Variants in CCDC50 observed in about 807,000 individuals in gnomAD.
The protein encoded by CCDC50 is coiled-coil domain-containing protein 50.
In CCDC50, 54 loss-of-function variants were observed where a neutral mutation model predicts 70.2. The observed-to-expected ratio is 0.77, with a 90% CI of 0.62 to 0.96. The LOEUF is 0.96. Among genes scored for constraint, CCDC50 ranks in the 50% least tolerant of loss-of-function variants. The pLI is 0.00. For missense variants in CCDC50, 558 were observed against 578.7 expected, an observed-to-expected ratio of 0.96 and a Z score of 0.37; for synonymous variants, 216 against 198.8, an observed-to-expected ratio of 1.09 and a Z score of -0.73.
rs117123422 is a variant in CCDC50 at position 191,383,343 on chromosome 3, G to A, written c.1322+518G>A. ...ACTTTCTGATTTATCTCAAACAGTC[G>A]TGCATAATAGTTATGGAGCAGCTGC... On this transcript the variant is annotated intron_variant, in intron 10 of 11. Transcript: ENST00000392455. 1.5e-3 allele frequency among the ~76,000 whole-genome samples: 225 copies of A among 152,006 alleles called. 3 individuals are homozygous for A. The East Asian group carries it at 0.038, about 26-fold the overall frequency.
chr3:191,371,321 A>T (rs1712907011), intron 5 of CCDC50, among the ~76,000 whole-genome samples: 1 of 152,026 alleles, frequency 6.6e-6, no homozygotes, highest in African/African-American at 2.4e-5. Context: ...GTGTTGGGAA[A>T]TGAGTATTTG....
chr3:191,389,875 T>A lies in CCDC50; in HGVS notation c.1429+273T>A, dbSNP rs868701416. Among the ~76,000 whole-genome samples the A allele has an allele frequency of 0.015, 1,565 of 106,082 alleles. 34 individuals are homozygous for A. The highest frequency in any genetic ancestry group is 0.044 in the African/African-American group (1,498 of 34,310). 69.6% of individuals were successfully genotyped at this position (106,082 alleles called of 152,430 possible). On this transcript the variant is annotated intron_variant, in intron 11 of 11. Coordinates refer to ENST00000392455, the MANE Select transcript of CCDC50 (RefSeq NM_178335.3). ...TCACTTTTTTTTTTTTTTTTTTTTTTTTTGAGTCGGAGTCTCACTGTGTTG... is the reference window on the plus strand; with the variant it reads ...TCACTTTTTTTTTTTTTTTTTTTTTATTTGAGTCGGAGTCTCACTGTGTTG...
At chr3:191,336,737 T>C (rs377129007) in intron 1 of CCDC50, among the ~76,000 whole-genome samples, 20 of 152,330 alleles carry the variant, frequency 1.3e-4, no homozygotes, top group African/African-American at 2.4e-4. Flanking sequence ...CTCAGACTTA[T>C]GCAATTACAT....
chr3:191,376,087 T>G (rs529944041), intron 6 of CCDC50, among the ~76,000 whole-genome samples: 1 of 152,202 alleles, frequency 6.6e-6, no homozygotes, highest in Non-Finnish European at 1.5e-5. Flanking sequence ...TTTAAGAAAG[T>G]ATTTTTCAAA....
At chr3:191,374,121 TA>T in intron 5 of CCDC50, among the ~76,000 whole-genome samples, 1 of 152,292 alleles carries the variant, frequency 6.6e-6, no homozygotes, top group African/African-American at 2.4e-5. Flanking sequence ...TAGAAAATGT[TA>T]AAATCAGTAT....
intron 4 of CCDC50, among the ~76,000 whole-genome samples, chr3:191,368,632 G>A (rs1258594668): frequency 2.0e-5 from 3 of 151,662 alleles, no homozygotes; most frequent in African/African-American, 7.3e-5. Flanking sequence ...TTCTTCATTC[G>A]CACCTATTCA....
At position 191,351,860 on chromosome 3, in the gene CCDC50, GAC is replaced by G. The variant is rs1712117403; in HGVS notation, c.50-5220_50-5219del. ...TTCTCTTTGGGGCTTCTGTGCTCCG[GAC>G]ACACACAACTCCAGGATGGCCTGTG... On this transcript the variant is annotated intron_variant, in intron 1 of 11. Coordinates refer to ENST00000392455, the MANE Select transcript of CCDC50 (RefSeq NM_178335.3). 5.7e-5 allele frequency among the ~76,000 whole-genome samples: 8 copies of G among 141,020 alleles called. 1 individual carries two copies. In the South Asian group the frequency reaches 1.8e-3, roughly 32 times the overall value. The allele number at this position is 141,020 out of a possible 152,430, so 92.5% of individuals were successfully genotyped here.
At chr3:191,342,618 A>C (rs1476204155) in intron 1 of CCDC50, among the ~76,000 whole-genome samples, 1 of 152,006 alleles carries the variant, frequency 6.6e-6, no homozygotes, top group African/African-American at 2.4e-5. Flanking sequence ...TATCCTACAG[A>C]GGTTTAAGGA....
Position 191,380,750 on chromosome 3 carries a change from C to G in CCDC50, c.1137+19C>G, listed in dbSNP as rs1474188. On this transcript the variant is annotated intron_variant, in intron 8 of 11. Transcript: ENST00000392455. ...AGATGAAGTAAGTTAATGAGTTTAG[C>G]TGATATTCTTTGGAAATATCCTAGT... is the stretch of plus-strand genomic sequence containing the variant. 101,418 of 1,611,598 alleles carry G rather than the reference C, an allele frequency of 0.063. 5,124 individuals carry two copies. Among genetic ancestry groups the G allele is most frequent in the East Asian group, 0.25 (11,096 of 44,764 alleles).
intron 11 of CCDC50, among the ~76,000 whole-genome samples, chr3:191,391,418 A>G (rs569470407): frequency 6.6e-6 from 1 of 152,334 alleles, no homozygotes; most frequent in East Asian, 1.9e-4. Context: ...GTTGGACATT[A>G]TAAACATCTT....
chr3:191,389,436 G>C lies in CCDC50; in HGVS notation c.1323-60G>C, dbSNP rs1245997061. 3.0e-6 allele frequency: 4 copies of C among 1,348,970 alleles called. No individual in the cohort carries two copies. In the African/African-American group the frequency reaches 5.8e-5, roughly 19 times the overall value. 83.6% of individuals were successfully genotyped at this position (1,348,970 alleles called of 1,614,324 possible). On this transcript the variant is annotated intron_variant, in intron 10 of 11. Transcript: ENST00000392455. Reference sequence around the variant, plus strand: ...GTTTTTAGCTTGCAATCCAGTAAGAGGGGTGGAGTTGTAGTAAGCGTTACT... The same window carrying C: ...GTTTTTAGCTTGCAATCCAGTAAGACGGGTGGAGTTGTAGTAAGCGTTACT...
intron 1 of CCDC50, among the ~76,000 whole-genome samples, chr3:191,344,983 A>C (rs930757423): frequency 4.6e-5 from 7 of 152,152 alleles, no homozygotes; most frequent in African/African-American, 1.4e-4. Flanking sequence ...TCAAAACATA[A>C]AGTTTTGAAG....
At chr3:191,336,726 A>T (rs563722648) in intron 1 of CCDC50, among the ~76,000 whole-genome samples, 1 of 152,322 alleles carries the variant, frequency 6.6e-6, no homozygotes, top group East Asian at 1.9e-4. Flanking sequence ...CAGACTATGT[A>T]CTCAGACTTA....
chr3:191,350,364 A>G lies in CCDC50; in HGVS notation c.50-6724A>G. On this transcript the variant is annotated intron_variant, in intron 1 of 11. Coordinates refer to ENST00000392455, the MANE Select transcript of CCDC50 (RefSeq NM_178335.3). The stretch of plus-strand genomic sequence containing the variant: ...AAGCAGAGTATATAGTCCCTCTGCT[A>G]CTCATAGCATTTACATAAAAAGAAT... Among the ~76,000 whole-genome samples, 2 of 141,900 alleles carry G rather than the reference A, an allele frequency of 1.4e-5. 1 individual carries two copies. The highest frequency in any genetic ancestry group is 3.2e-5 in the Non-Finnish European group (2 of 63,034). 93.1% of individuals were successfully genotyped at this position (141,900 alleles called of 152,430 possible).
chr3:191,335,670 T>C (rs186299429), intron 1 of CCDC50, among the ~76,000 whole-genome samples: 9 of 152,224 alleles, frequency 5.9e-5, no homozygotes, highest in Admixed American at 2.6e-4. Context: ...TTAGCCTACA[T>C]TGAGAAAAAG....
chr3:191,338,316 A>G (rs1329889711), intron 1 of CCDC50, among the ~76,000 whole-genome samples: 2 of 152,322 alleles, frequency 1.3e-5, no homozygotes, highest in East Asian at 1.9e-4. Flanking sequence ...CTGTGTAAAT[A>G]TCGAATACAA....
intron 6 of CCDC50, among the ~76,000 whole-genome samples, chr3:191,379,245 C>A (rs1301400278): frequency 6.6e-6 from 1 of 151,920 alleles, no homozygotes; most frequent in Non-Finnish European, 1.5e-5. Flanking sequence ...GGGGTTGGGG[C>A]AAATATTTTT....
intron 4 of CCDC50, among the ~76,000 whole-genome samples, chr3:191,369,427 G>T (rs954527855): frequency 2.6e-5 from 4 of 152,142 alleles, no homozygotes; most frequent in Admixed American, 2.6e-4. Flanking sequence ...TTTGCCTGGG[G>T]ATGAACAGGT....
rs1713932895 is a variant in CCDC50 at position 191,398,482 on chromosome 3, C to G, written c.*6722C>G. On this transcript the variant is annotated 3_prime_UTR_variant, in exon 12 of 12. Coordinates refer to ENST00000392455, the MANE Select transcript of CCDC50 (RefSeq NM_178335.3). ...TTTGTTTCTTTACAGCATTCAAGGA[C>G]AGGGAAACTTACGAGAGTCTTATTA... The G allele has an allele frequency of 6.6e-6, 1 of 152,140 alleles. No individual in the cohort carries two copies. Among genetic ancestry groups the G allele is most frequent in the Admixed American group, 6.5e-5 (1 of 15,270 alleles). The allele number at this position is 152,140 out of a possible 1,614,324, so 9.4% of individuals were successfully genotyped here.
Sources: allele counts gnomAD v4.1 joint callset (sites outside exome capture counted in the v4.1 genomes callset), GRCh38; gene constraint gnomAD v4.1.1; transcripts MANE v1.5; gene names NCBI Gene and HGNC (gene_info 2026-07-23, HGNC 2026-07-21).